Variants in SPINK14 observed in about 807,000 individuals in gnomAD.
SPINK14 encodes serine protease inhibitor Kazal-type 14.
In SPINK14, 6 loss-of-function variants were observed where a neutral mutation model predicts 14.2. That is an observed-to-expected ratio of 0.42 (90% CI 0.23 to 0.83). SPINK14 has a LOEUF of 0.83. Ranked by LOEUF, SPINK14 falls within the 40% of genes least tolerant of loss-of-function variation. The pLI is 0.28. For missense variants in SPINK14, 86 were observed against 108.3 expected (o/e 0.79, Z 0.91); for synonymous variants, 34 against 36.8 (o/e 0.92, Z 0.27).
chr5:148,172,449 T>C (rs771828831), intron 3 of SPINK14, among the ~76,000 whole-genome samples: 1 of 152,164 alleles, frequency 6.6e-6, no homozygotes, highest in Non-Finnish European at 1.5e-5. Context: ...CTTACTCTTG[T>C]CTTTGATAAC....
intron 1 of SPINK14, among the ~76,000 whole-genome samples, chr5:148,168,896 G>A (rs1349409068): frequency 2.0e-5 from 3 of 152,160 alleles, no homozygotes; most frequent in Admixed American, 6.6e-5. Flanking sequence ...GACATGTGTT[G>A]CAGACAGAGA....
chr5:148,169,988 C>A (rs1561720346), intron 2 of SPINK14, among the ~76,000 whole-genome samples, 189 bp downstream of exon 2: 1 of 140,522 alleles, frequency 7.1e-6, no homozygotes, highest in Middle Eastern at 4.0e-3. Context: ...TATATATATA[C>A]TCAGAGTATA....
chr5:148,172,371 G>T (rs1271814975), intron 3 of SPINK14, among the ~76,000 whole-genome samples: 1 of 152,018 alleles, frequency 6.6e-6, no homozygotes, highest in African/African-American at 2.4e-5. Context: ...CCTGAAGAAT[G>T]CATAACTTCC....
At chr5:148,170,169 T>TACAC (rs777519973) in intron 2 of SPINK14, among the ~76,000 whole-genome samples, 2,057 of 105,588 alleles carry the variant, frequency 0.019, 48 homozygotes, top group African/African-American at 0.051. Flanking sequence ...TATATATATA[T>TACAC]ATATACACAC....
At chr5:148,172,534 T>C (rs1249133707) in intron 3 of SPINK14, among the ~76,000 whole-genome samples, 1 of 152,218 alleles carries the variant, frequency 6.6e-6, no homozygotes, top group African/African-American at 2.4e-5. Context: ...CAATGACTAA[T>C]GCCAATATAT....
At chr5:148,170,535 T>G (rs1446421253) in intron 2 of SPINK14, among the ~76,000 whole-genome samples, 2 of 152,114 alleles carry the variant, frequency 1.3e-5, no homozygotes, top group African/African-American at 4.8e-5. Context: ...CAAGAATTCC[T>G]GAGTATTACC....
chr5:148,172,121 T>C lies in SPINK14; in HGVS notation c.111+1148T>C, dbSNP rs576203758. 4.6e-5 allele frequency among the ~76,000 whole-genome samples: 7 copies of C among 152,284 alleles called. No individual in the cohort carries two copies. The East Asian group carries it at 1.3e-3, about 29-fold the overall frequency. ...TATAAATACAAGAAATAAAATGGTATGATAGAGAATATCTGTTGAGTGTAG... is the reference window on the plus strand; with the variant it reads ...TATAAATACAAGAAATAAAATGGTACGATAGAGAATATCTGTTGAGTGTAG... On this transcript the variant is annotated intron_variant, in intron 3 of 4. Transcript: ENST00000356972.
At chr5:148,171,070 C>A in intron 3 of SPINK14, 97 bp downstream of exon 3, 1 of 1,139,678 alleles carries the variant, frequency 8.8e-7, no homozygotes, top group Non-Finnish European at 1.3e-6. Flanking sequence ...CTCAAGGTCA[C>A]CCGTAATAGT....
chr5:148,169,638 A>C (rs1165877853), intron 1 of SPINK14, 23 bp from the exon 2 acceptor site: 7 of 965,684 alleles, frequency 7.2e-6, no homozygotes. Flanking sequence ...AGTCATCTTA[A>C]ATCCTGATTG....
chr5:148,170,821 T>C lies in SPINK14; in HGVS notation c.68-109T>C, dbSNP rs1755094937. On this transcript the variant is annotated intron_variant, in intron 2 of 4. Transcript: ENST00000356972. The stretch of plus-strand genomic sequence containing the variant: ...TGTATAAATGAAATAATGTTTTCCA[T>C]TGCTGAAAACTTCCTTGATAATAAA... 17 of 913,162 alleles carry C rather than the reference T, an allele frequency of 1.9e-5. No individual in the cohort carries two copies. In the East Asian group the frequency reaches 3.6e-4, roughly 19 times the overall value. 56.6% of individuals were successfully genotyped at this position (913,162 alleles called of 1,614,324 possible).
chr5:148,168,700 G>A (rs10476890), intron 1 of SPINK14, among the ~76,000 whole-genome samples, 133 bp downstream of exon 1: 15,111 of 152,062 alleles, frequency 0.099, 1,459 homozygotes, highest in African/African-American at 0.25. Flanking sequence ...AGGATGAGAT[G>A]GGGGTGTGTT....
chr5:148,169,426 A>G (rs531353460), intron 1 of SPINK14, among the ~76,000 whole-genome samples: 41 of 152,154 alleles, frequency 2.7e-4, no homozygotes, highest in Non-Finnish European at 5.1e-4. Flanking sequence ...CACTAAAATA[A>G]TACACTTATG....
At chr5:148,169,965 G>GTATATATATA (rs371403718) in intron 2 of SPINK14, among the ~76,000 whole-genome samples, 166 bp downstream of exon 2, 17 of 144,944 alleles carry the variant, frequency 1.2e-4, no homozygotes, top group South Asian at 4.3e-4. Flanking sequence ...GTGTATATAT[G>GTATATATATA]TATATATATA....
chr5:148,170,878 G>C, intron 2 of SPINK14, 52 bp from the exon 3 acceptor site: 2 of 1,496,388 alleles, frequency 1.3e-6, no homozygotes, highest in Non-Finnish European at 1.9e-6. Context: ...AACAGATTAA[G>C]CTATGATTTA....
At chr5:148,174,835 G>T (rs1755147026) in intron 4 of SPINK14, among the ~76,000 whole-genome samples, 1 of 152,122 alleles carries the variant, frequency 6.6e-6, no homozygotes. Flanking sequence ...ACATAAATCA[G>T]TGATTAGATA....
In SPINK14 at chr5:148,169,727, G is replaced by A; in HGVS notation, c.-6G>A. 6.2e-7 allele frequency: 1 copy of A among 1,606,624 alleles called. No homozygotes were observed. The highest frequency in any genetic ancestry group is 8.5e-7 in the Non-Finnish European group (1 of 1,175,982). On this transcript the variant is annotated 5_prime_UTR_variant, in exon 2 of 5. Transcript: ENST00000356972. ...GCATCATTCCAAGGACACACCAGGA[G>A]GAAAAATGGCCAAATCTTTCCCAGT...
chr5:148,170,282 A>G (rs895798084), intron 2 of SPINK14, among the ~76,000 whole-genome samples: 13 of 151,698 alleles, frequency 8.6e-5, no homozygotes, highest in African/African-American at 3.1e-4. Flanking sequence ...TTGCATGCCG[A>G]TTATGAGATT....
In SPINK14 at chr5:148,173,532, T is replaced by C. The variant is rs1239640981; in HGVS notation, c.112-702T>C. On this transcript the variant is annotated intron_variant, in intron 3 of 4. Coordinates refer to ENST00000356972, the MANE Select transcript of SPINK14 (RefSeq NM_001001325.2). The stretch of plus-strand genomic sequence containing the variant: ...GTGATAAATATTTGAAATCAAGGCA[T>C]GTGGATTCTTCCATTATTGATCTTC... Among the ~76,000 whole-genome samples, 2 of 101,174 alleles carry C rather than the reference T, an allele frequency of 2.0e-5. 1 individual carries two copies. The highest frequency in any genetic ancestry group is 8.0e-5 in the African/African-American group (2 of 25,024). The allele number at this position is 101,174 out of a possible 152,430, so 66.4% of individuals were successfully genotyped here. A position where few individuals can be genotyped will look rare whatever the true frequency, so the allele number is the denominator to read the frequency against.
chr5:148,172,014 G>T (rs1373164393), intron 3 of SPINK14, among the ~76,000 whole-genome samples: 1 of 152,034 alleles, frequency 6.6e-6, no homozygotes, highest in Non-Finnish European at 1.5e-5. Flanking sequence ...CACTATTGAG[G>T]AAAGCAGTTA....
Sources: gnomAD v4.1 joint callset for allele counts (sites outside exome capture counted in the v4.1 genomes callset) on GRCh38, gnomAD v4.1.1 for gene constraint, MANE v1.5 for transcripts, NCBI Gene and HGNC (gene_info 2026-07-23, HGNC 2026-07-21) for gene names.